The following ACVR2A variants were observed in gnomAD, a reference collection of about 807,000 sequenced individuals.
ACVR2A encodes activin receptor type-2A.
Under a neutral mutation model 61.4 loss-of-function variants are expected in ACVR2A, and 7 were observed. That is an observed-to-expected ratio of 0.11 (90% CI 0.06 to 0.21). The LOEUF (loss-of-function observed/expected upper bound fraction) is 0.21. Ranked by LOEUF, ACVR2A falls within the 10% of genes least tolerant of loss-of-function variation. The pLI is 1.00. For synonymous variants in ACVR2A, 193 were observed against 208.3 expected (o/e 0.93, Z 0.63); for missense variants, 322 against 621.7 (o/e 0.52, Z 5.13).
upstream of ACVR2A, chr2:147,844,941 G>C: frequency 2.2e-6 from 1 of 451,568 alleles, no homozygotes; most frequent in Non-Finnish European, 3.7e-6. Context: ...CCCCCGTGGT[G>C]CATTTTATTT....
intron 1 of ACVR2A, among the ~76,000 whole-genome samples, chr2:147,886,685 A>G (rs779775846): frequency 5.3e-5 from 8 of 152,004 alleles, no homozygotes; most frequent in African/African-American, 9.7e-5. Context: ...ATTCAGTTAT[A>G]ATTTGTTTTT....
At chr2:147,855,080 C>G (rs1468273549) in intron 1 of ACVR2A, among the ~76,000 whole-genome samples, 1 of 152,084 alleles carries the variant, frequency 6.6e-6, no homozygotes, top group African/African-American at 2.4e-5. Context: ...GGGGTTTAAC[C>G]ATGTTGGGCA....
At chr2:147,919,556 C>T (rs143848637) in intron 7 of ACVR2A, among the ~76,000 whole-genome samples, 101 of 152,206 alleles carry the variant, frequency 6.6e-4, no homozygotes, top group African/African-American at 2.1e-3. Flanking sequence ...TAAATTTAAC[C>T]ACTAGTCATT....
Position 147,845,136 on chromosome 2 carries a change from C to T in ACVR2A, c.-17C>T. 1 of 1,612,436 alleles carries T rather than the reference C, an allele frequency of 6.2e-7. No individual in the cohort carries two copies. Among genetic ancestry groups the T allele is most frequent in the Non-Finnish European group, 8.5e-7 (1 of 1,179,636 alleles). ...TCTAGCGAGAACTTCCTCCGGATTCCCCGGCGCCTCGGGAAAATGGGAGCT... is the reference window on the plus strand; with the variant it reads ...TCTAGCGAGAACTTCCTCCGGATTCTCCGGCGCCTCGGGAAAATGGGAGCT... On this transcript the variant is annotated 5_prime_UTR_variant, in exon 1 of 11. Transcript: ENST00000241416.
intron 1 of ACVR2A, among the ~76,000 whole-genome samples, chr2:147,881,257 G>T (rs982060379): frequency 2.0e-5 from 3 of 152,044 alleles, no homozygotes; most frequent in Non-Finnish European, 2.9e-5. Flanking sequence ...TTTGTATTTA[G>T]GGAAGTGAAG....
In ACVR2A at chr2:147,930,164, A is replaced by ACAAT. The variant is rs1172698883; in HGVS notation, c.*2893_*2896dup. 3.3e-5 allele frequency: 5 copies of ACAAT among 152,440 alleles called. No homozygotes were observed. The highest frequency in any genetic ancestry group is 9.7e-5 in the African/African-American group (4 of 41,414). 9.4% of individuals were successfully genotyped at this position (152,440 alleles called of 1,614,324 possible). A position where few individuals can be genotyped will look rare whatever the true frequency, so the allele number is the denominator to read the frequency against. ...TCTTTCATGGTGATGTTTTGAAAAT[A>ACAAT]CAATCAGGAAAAAACCCAACACCTT... On this transcript the variant is annotated 3_prime_UTR_variant, in exon 11 of 11. Transcript: ENST00000241416.
intron 2 of ACVR2A, chr2:147,898,131 T>G (rs1162319647): frequency 6.6e-6 from 1 of 152,190 alleles, no homozygotes; most frequent in African/African-American, 2.4e-5. Flanking sequence ...TTGCAAATAC[T>G]TGCTCTTAGA....
intron 1 of ACVR2A, among the ~76,000 whole-genome samples, chr2:147,876,634 T>A (rs890284910): frequency 6.6e-6 from 1 of 152,216 alleles, no homozygotes; most frequent in African/African-American, 2.4e-5. Flanking sequence ...CCTGTAGATA[T>A]GTAAGTTCCT....
chr2:147,869,911 G>C (rs900129102), intron 1 of ACVR2A, among the ~76,000 whole-genome samples: 1 of 152,084 alleles, frequency 6.6e-6, no homozygotes, highest in African/African-American at 2.4e-5. Flanking sequence ...GTGGGACAGT[G>C]AGAACAGTAT....
intron 4 of ACVR2A, among the ~76,000 whole-genome samples, chr2:147,908,428 T>C (rs1687041373): frequency 6.6e-6 from 1 of 152,176 alleles, no homozygotes; most frequent in Admixed American, 6.6e-5. Flanking sequence ...GGCCTTTCTT[T>C]GCTTTCCTTT....
chr2:147,922,712 T>C (rs930427298), intron 8 of ACVR2A, among the ~76,000 whole-genome samples: 8 of 152,112 alleles, frequency 5.3e-5, no homozygotes, highest in African/African-American at 1.9e-4. Flanking sequence ...TGCAGCATCC[T>C]TCTCCCAGCT....
At chr2:147,907,913 C>T (rs1433009190) in intron 4 of ACVR2A, among the ~76,000 whole-genome samples, 1 of 151,794 alleles carries the variant, frequency 6.6e-6, no homozygotes, top group African/African-American at 2.4e-5. Flanking sequence ...GTGGTGCACA[C>T]CTGTAATCCC....
At chr2:147,844,524 C>T (rs1160950792), upstream of ACVR2A, 3 of 148,802 alleles carry the variant, frequency 2.0e-5, no homozygotes, top group African/African-American at 7.4e-5. Flanking sequence ...GCCAGGAGAC[C>T]GAAAACGCGG....
intron 4 of ACVR2A, among the ~76,000 whole-genome samples, chr2:147,909,600 C>G (rs897067975): frequency 6.6e-6 from 1 of 151,842 alleles, no homozygotes; most frequent in Non-Finnish European, 1.5e-5. Context: ...GTTTTGTTTG[C>G]TTTTTGCTTA....
chr2:147,896,583 T>C, intron 2 of ACVR2A, 75 bp downstream of exon 2: 1 of 1,406,394 alleles, frequency 7.1e-7, no homozygotes, highest in Non-Finnish European at 1.0e-6. Context: ...AGGGGAAAGA[T>C]CAGTGCATAA....
intron 1 of ACVR2A, among the ~76,000 whole-genome samples, chr2:147,855,195 C>T (rs1685540559): frequency 6.6e-6 from 1 of 152,110 alleles, no homozygotes; most frequent in Non-Finnish European, 1.5e-5. Context: ...CTTATTTGTC[C>T]TTTCTAATAT....
chr2:147,923,517 A>G (rs1310579149), intron 9 of ACVR2A, among the ~76,000 whole-genome samples: 1 of 152,036 alleles, frequency 6.6e-6, no homozygotes, highest in Non-Finnish European at 1.5e-5. Flanking sequence ...TTAAGGTCAT[A>G]TGGGTCCTGC....
intron 4 of ACVR2A, among the ~76,000 whole-genome samples, chr2:147,914,355 C>T (rs559740283): frequency 6.6e-6 from 1 of 152,062 alleles, no homozygotes; most frequent in South Asian, 2.1e-4. Flanking sequence ...TGGAGGGTTG[C>T]ATTCTGCTTT....
At chr2:147,902,914 T>C (rs1686904287) in intron 4 of ACVR2A, 1 of 152,018 alleles carries the variant, frequency 6.6e-6, no homozygotes. Context: ...TTAAGTGCTT[T>C]TAGACAGTGC....
Sources: allele counts gnomAD v4.1 joint callset (sites outside exome capture counted in the v4.1 genomes callset), GRCh38; gene constraint gnomAD v4.1.1; transcripts MANE v1.5; gene names NCBI Gene and HGNC (gene_info 2026-07-23, HGNC 2026-07-21).